Variants in FAM162B observed in about 807,000 individuals in gnomAD.
FAM162B encodes family with sequence similarity 162 member B, also known as protein FAM162B.
In FAM162B, 16 loss-of-function variants were observed where a neutral mutation model predicts 20.0. The ratio of observed to expected loss-of-function variants is 0.80; its 90% CI spans 0.54 to 1.21. FAM162B has a LOEUF of 1.21. Among genes scored for constraint, FAM162B ranks in the 50% most tolerant of loss-of-function variants. The pLI, the probability that FAM162B is intolerant of heterozygous loss-of-function variation, is 0.00. For synonymous variants in FAM162B, 83 were observed against 89.7 expected (o/e 0.93, Z 0.42); for missense variants, 260 against 227.5 (o/e 1.14, Z -0.92).
In FAM162B at chr6:116,762,048, C is replaced by A; in HGVS notation, c.319G>T (p.Val107Leu). ...MIDTARNKAR[V>L]KACYIMIGLT... ...CCAATCATTATGTAACAAGCTTTCA[C>A]TCGAGCTTTGTTTCTTGCGGTGTCT... is the stretch of plus-strand genomic sequence containing the variant. Residue 107 changes from valine to leucine, a missense_variant, in exon 3 of 4, where the codon GTG becomes TTG. Transcript: ENST00000368557. 1.9e-6 allele frequency: 3 copies of A among 1,596,468 alleles called. No individual in the cohort carries two copies. The highest frequency in any genetic ancestry group is 2.6e-6 in the Non-Finnish European group (3 of 1,167,138).
At position 116,765,478 on chromosome 6, in the gene FAM162B, C is replaced by G. The variant is rs760568819; in HGVS notation, c.99G>C (p.Pro33=). Reference sequence around the variant, plus strand: ...AGGGGAGACCCCGGGGCGGAAGAGCCGGTGCGGGCCGTCGCGTGGCCTCGA... The same window carrying G: ...AGGGGAGACCCCGGGGCGGAAGAGCGGGTGCGGGCCGTCGCGTGGCCTCGA... The part of the protein sequence containing the change: ...APLEATRRPA[P]ALPPRGLPCY... The change falls in exon 1 of 4, where the codon CCG becomes CCC. Residue 33 remains proline (P), a synonymous_variant. Coordinates refer to ENST00000368557, the MANE Select transcript of FAM162B (RefSeq NM_001085480.3). 2 of 1,411,454 alleles carry G rather than the reference C, an allele frequency of 1.4e-6. No individual in the cohort carries two copies. Among genetic ancestry groups the G allele is most frequent in the Middle Eastern group, 2.6e-4 (1 of 3,838 alleles). 87.4% of individuals were successfully genotyped at this position (1,411,454 alleles called of 1,614,324 possible). A position where few individuals can be genotyped will look rare whatever the true frequency, so the allele number is the denominator to read the frequency against.
intron 3 of FAM162B, 36 bp from the exon 4 acceptor site, chr6:116,752,731 T>TGG (rs1554259844): frequency 1.8e-5 from 8 of 442,414 alleles, no homozygotes; most frequent in East Asian, 1.2e-4. Context: ...TATATATATA[T>TGG]ATAGATACAC....
intron 3 of FAM162B, 35 bp downstream of exon 3, chr6:116,761,942 T>A: frequency 1.3e-6 from 2 of 1,514,852 alleles, no homozygotes; most frequent in Non-Finnish European, 1.8e-6. Context: ...GTACTTACCC[T>A]TTTAACTGAC....
chr6:116,752,684 T>C lies in FAM162B; in HGVS notation c.402A>G (p.Arg134=), dbSNP rs1029007594. Reference sequence around the variant, plus strand: ...AGTTCCAACTTGTTAAGGATTCATGTCGTTCTACAGCCTGTGGGGGGGAAG... The same window carrying C: ...AGTTCCAACTTGTTAAGGATTCATGCCGTTCTACAGCCTGTGGGGGGGAAG... ...VIVSAKRAVE[R]HESLTSWNLA... Residue 134 remains arginine (R), a synonymous_variant, in exon 4 of 4, where the codon CGA becomes CGG. Transcript: ENST00000368557. 21 of 1,565,666 alleles carry C rather than the reference T, an allele frequency of 1.3e-5. No homozygotes were observed. Among genetic ancestry groups the C allele is most frequent in the Non-Finnish European group, 1.8e-5 (21 of 1,154,804 alleles).
intron 3 of FAM162B, among the ~76,000 whole-genome samples, chr6:116,757,865 C>T (rs115734258): frequency 0.021 from 3,156 of 151,692 alleles, 103 homozygotes; most frequent in African/African-American, 0.072. Context: ...TTTGATGGAG[C>T]GTTTGAGGCA....
intron 3 of FAM162B, among the ~76,000 whole-genome samples, chr6:116,755,373 G>A (rs886597757): frequency 6.6e-6 from 1 of 152,162 alleles, no homozygotes; most frequent in Non-Finnish European, 1.5e-5. Flanking sequence ...TATGGAGCAA[G>A]GCCCTAACTG....
At chr6:116,764,612 G>C (rs1771868232) in intron 2 of FAM162B, among the ~76,000 whole-genome samples, 1 of 152,130 alleles carries the variant, frequency 6.6e-6, no homozygotes, top group African/African-American at 2.4e-5. Flanking sequence ...GGAGCCTAGA[G>C]GGCTGCAGAA....
chr6:116,764,375 A>G (rs1191134891), intron 2 of FAM162B, among the ~76,000 whole-genome samples: 3 of 152,142 alleles, frequency 2.0e-5, no homozygotes, highest in Non-Finnish European at 4.4e-5. Context: ...TTTTTACCCA[A>G]TCCCTTGTAA....
In FAM162B at chr6:116,765,193, A is replaced by T; in HGVS notation, c.235T>A (p.Trp79Arg). The change falls in exon 2 of 4, where the codon TGG becomes AGG. Residue 79 changes from tryptophan to arginine, a missense_variant. By Grantham distance (101) the Trp-to-Arg change is moderately radical. Coordinates refer to ENST00000368557, the MANE Select transcript of FAM162B (RefSeq NM_001085480.3). ...PSQFDKKILL[W>R]TGRFKSMEEI... ...TCCATCGATTTGAAACGCCCTGTCC[A>T]CAGCAGGATTTTCTTGTCGAACTGC... is the stretch of plus-strand genomic sequence containing the variant. 6.2e-7 allele frequency: 1 copy of T among 1,613,944 alleles called. No individual in the cohort carries two copies. Among genetic ancestry groups the T allele is most frequent in the Non-Finnish European group, 8.5e-7 (1 of 1,179,960 alleles).
intron 3 of FAM162B, among the ~76,000 whole-genome samples, chr6:116,761,716 GTATA>G (rs1207657023): frequency 1.5e-5 from 2 of 137,090 alleles, no homozygotes; most frequent in African/African-American, 5.5e-5. Context: ...ATATATACTT[GTATA>G]TATACTTATA....
intron 3 of FAM162B, among the ~76,000 whole-genome samples, chr6:116,756,150 T>C (rs1192561492): frequency 1.3e-5 from 2 of 152,154 alleles, no homozygotes; most frequent in Non-Finnish European, 2.9e-5. Flanking sequence ...GCAAAGTAAA[T>C]TGAAAACCTT....
At position 116,762,027 on chromosome 6, in the gene FAM162B, T is replaced by A. The variant is rs1388016888; in HGVS notation, c.340A>T (p.Ile114Phe). 12 of 1,603,406 alleles carry A rather than the reference T, an allele frequency of 7.5e-6. No homozygotes were observed. The highest frequency in any genetic ancestry group is 1.0e-5 in the Non-Finnish European group (12 of 1,171,936). The change falls in exon 3 of 4, where the codon ATT becomes TTT. Residue 114 changes from isoleucine (I) to phenylalanine (F), a missense_variant. Coordinates refer to ENST00000368557, the MANE Select transcript of FAM162B (RefSeq NM_001085480.3). ...KARVKACYIMIGLTIIACFAV... is the reference protein window; with the variant it reads ...KARVKACYIMFGLTIIACFAV... ...AAGCAGGCGATAATTGTGAGTCCAA[T>A]CATTATGTAACAAGCTTTCACTCGA... is the stretch of plus-strand genomic sequence containing the variant.
intron 3 of FAM162B, among the ~76,000 whole-genome samples, chr6:116,759,497 C>G (rs1328160673): frequency 6.6e-6 from 1 of 151,222 alleles, no homozygotes; most frequent in Non-Finnish European, 1.5e-5. Context: ...TTAGTAGTGA[C>G]GGAGCTTCAC....
At position 116,765,605 on chromosome 6, in the gene FAM162B, C is replaced by CG; in HGVS notation, c.-30_-29insC. Reference sequence around the variant, plus strand: ...GCCCGCTTGTCCCGCGCCGCACCCGCACCTCCGGACCCAGCCACAGGCGTT... The same window carrying CG: ...GCCCGCTTGTCCCGCGCCGCACCCGCGACCTCCGGACCCAGCCACAGGCGTT... On this transcript the variant is annotated 5_prime_UTR_variant, in exon 1 of 4. Coordinates refer to ENST00000368557, the MANE Select transcript of FAM162B (RefSeq NM_001085480.3). 7.7e-7 allele frequency: 1 copy of CG among 1,296,792 alleles called. No homozygotes were observed. The highest frequency in any genetic ancestry group is 3.9e-5 in the Admixed American group (1 of 25,424). The allele number at this position is 1,296,792 out of a possible 1,614,324, so 80.3% of individuals were successfully genotyped here. A position where few individuals can be genotyped will look rare whatever the true frequency, so the allele number is the denominator to read the frequency against.
chr6:116,765,377 G>T, intron 1 of FAM162B, 28 bp downstream of exon 1: 1 of 1,488,986 alleles, frequency 6.7e-7, no homozygotes. Flanking sequence ...CTCCCTCCCA[G>T]GACCTCCCCG....
rs10556522 is a variant in FAM162B, at chr6:116,752,711, A to AATATAT, written c.391-22_391-17dup. Reference sequence around the variant, plus strand: ...GTTCTACAGCCTGTGGGGGGGAAGAAATATATATATATATATATATATAGA... The same window carrying AATATAT: ...GTTCTACAGCCTGTGGGGGGGAAGAAATATATATATATATATATATATATATATAGA... On this transcript the variant is annotated splice_polypyrimidine_tract_variant and intron_variant, in intron 3 of 3. Coordinates refer to ENST00000368557, the MANE Select transcript of FAM162B (RefSeq NM_001085480.3). 122 of 481,496 alleles carry AATATAT rather than the reference A, an allele frequency of 2.5e-4. 3 individuals carry two copies. Among genetic ancestry groups the AATATAT allele is most frequent in the African/African-American group, 2.3e-3 (92 of 39,638 alleles). 29.8% of individuals were successfully genotyped at this position (481,496 alleles called of 1,614,324 possible). A position where few individuals can be genotyped will look rare whatever the true frequency, so the allele number is the denominator to read the frequency against.
chr6:116,758,045 G>A (rs538054887), intron 3 of FAM162B, among the ~76,000 whole-genome samples: 5 of 152,250 alleles, frequency 3.3e-5, no homozygotes, highest in Non-Finnish European at 5.9e-5. Flanking sequence ...TGATACAGTA[G>A]AGAAGAAAAA....
intron 3 of FAM162B, among the ~76,000 whole-genome samples, chr6:116,759,013 T>C (rs1780088902): frequency 1.3e-5 from 2 of 152,182 alleles, no homozygotes; most frequent in Non-Finnish European, 2.9e-5. Flanking sequence ...TATTTTTCTA[T>C]ATAAATTTTA....
chr6:116,761,980 T>G lies in FAM162B; in HGVS notation c.387A>C (p.Lys129Asn), dbSNP rs1278572691. 1.3e-6 allele frequency: 2 copies of G among 1,590,918 alleles called. No homozygotes were observed. The highest frequency in any genetic ancestry group is 3.4e-5 in the Admixed American group (2 of 59,398). The change falls in exon 3 of 4, where the codon AAA becomes AAC. Residue 129 changes from lysine to asparagine, a missense_variant. Coordinates refer to ENST00000368557, the MANE Select transcript of FAM162B (RefSeq NM_001085480.3). ...IACFAVIVSA[K>N]RAVERHESLT... ...GCCCTTTTAAGGAGATACTCACCCT[T>G]TTGGCTGACACTATCACAGCAAAGC...
Sources: gnomAD v4.1 joint callset for allele counts (sites outside exome capture counted in the v4.1 genomes callset) on GRCh38, gnomAD v4.1.1 for gene constraint, MANE v1.5 for transcripts, NCBI Gene and HGNC (gene_info 2026-07-23, HGNC 2026-07-21) for gene names.